Variants in NDUFAF6 observed in about 807,000 individuals in gnomAD.
The protein encoded by NDUFAF6 is NADH:ubiquinone oxidoreductase complex assembly factor 6, also known as NADH dehydrogenase (ubiquinone) complex I, assembly factor 6.
Under a neutral mutation model 40.8 loss-of-function variants are expected in NDUFAF6, and 45 were observed. The ratio of observed to expected loss-of-function variants is 1.10; its 90% confidence interval spans 0.87 to 1.42. The LOEUF (loss-of-function observed/expected upper bound fraction) is 1.42, where lower values mean the gene tolerates loss of function less well. Ranked by LOEUF, NDUFAF6 falls within the 40% of genes most tolerant of loss-of-function variation. The pLI, the probability that NDUFAF6 is intolerant of heterozygous loss-of-function variation, is 0.00. For missense variants in NDUFAF6, 435 were observed against 418.5 expected (o/e 1.04, Z -0.34); for synonymous variants, 185 against 155.9 (o/e 1.19, Z -1.39).
downstream of NDUFAF6, among the ~76,000 whole-genome samples, chr8:95,104,169 C>T (rs571886879): frequency 2.6e-5 from 4 of 152,288 alleles, no homozygotes; most frequent in South Asian, 8.3e-4. Flanking sequence ...AGCCACTGCA[C>T]CTGTATTTTA....
At chr8:94,898,121 A>C (rs137898035) in intron 1 of NDUFAF6, among the ~76,000 whole-genome samples, 1 of 152,324 alleles carries the variant, frequency 6.6e-6, no homozygotes, top group African/African-American at 2.4e-5. Context: ...CACCCACCAC[A>C]CATGCACAGT....
downstream of NDUFAF6, among the ~76,000 whole-genome samples, chr8:95,103,635 A>G (rs1809725263): frequency 6.6e-6 from 1 of 152,178 alleles, no homozygotes; most frequent in Admixed American, 6.5e-5. Flanking sequence ...CCCTCTTGCT[A>G]TGTAGATTGG....
intron 2 of NDUFAF6, 38 bp from the exon 3 acceptor site, chr8:95,035,416 A>C: frequency 1.2e-6 from 2 of 1,610,990 alleles, no homozygotes; most frequent in Non-Finnish European, 1.7e-6. Context: ...TAGACAGTAG[A>C]CAATGCATTT....
intron 1 of NDUFAF6, among the ~76,000 whole-genome samples, chr8:94,916,102 A>G (rs900409125): frequency 2.0e-5 from 3 of 152,252 alleles, no homozygotes; most frequent in East Asian, 1.9e-4. Context: ...GCAGTGAGGC[A>G]TAAAGTGTGA....
intron 2 of NDUFAF6, among the ~76,000 whole-genome samples, chr8:94,996,596 T>C (rs1315305500): frequency 6.6e-6 from 1 of 152,160 alleles, no homozygotes; most frequent in Non-Finnish European, 1.5e-5. Flanking sequence ...TGCTGGTAAA[T>C]ACAATGTCTG....
chr8:94,925,696 C>T (rs1819827736), intron 1 of NDUFAF6, among the ~76,000 whole-genome samples: 2 of 151,992 alleles, frequency 1.3e-5, no homozygotes, highest in African/African-American at 2.4e-5. Flanking sequence ...CACACCACCA[C>T]GCTCAGCTTA....
chr8:94,953,344 C>G (rs1213114554), upstream of NDUFAF6, among the ~76,000 whole-genome samples: 1 of 148,952 alleles, frequency 6.7e-6, no homozygotes, highest in Non-Finnish European at 1.5e-5. Context: ...GAAACTCCAT[C>G]TCAAGAAAAA....
chr8:94,969,549 G>A (rs1252491679), intron 1 of NDUFAF6, among the ~76,000 whole-genome samples: 1 of 152,230 alleles, frequency 6.6e-6, no homozygotes, highest in Non-Finnish European at 1.5e-5. Flanking sequence ...GCTGAGGCAG[G>A]AGGATCAGGT....
intron 9 of NDUFAF6, among the ~76,000 whole-genome samples, chr8:95,063,877 G>GT (rs11385145): frequency 0.024 from 3,479 of 142,862 alleles, 31 homozygotes; most frequent in East Asian, 0.031. Flanking sequence ...TCTTGCTGCA[G>GT]TTTTTTTTTT....
At chr8:94,944,848 C>T (rs757348881) in intron 1 of NDUFAF6, among the ~76,000 whole-genome samples, 4 of 152,116 alleles carry the variant, frequency 2.6e-5, no homozygotes, top group East Asian at 3.9e-4. Context: ...TGAATCACCT[C>T]GTCACTCTCT....
intron 2 of NDUFAF6, among the ~76,000 whole-genome samples, chr8:95,082,764 A>G (rs898218686): frequency 2.0e-5 from 3 of 151,486 alleles, no homozygotes; most frequent in African/African-American, 7.3e-5. Context: ...GGTTCACGCC[A>G]TTCTCCTGCC....
chr8:95,110,870 T>C (rs1485185493), intron 4 of NDUFAF6, among the ~76,000 whole-genome samples: 1 of 152,240 alleles, frequency 6.6e-6, no homozygotes, highest in Admixed American at 6.5e-5. Flanking sequence ...AAGATTTCTG[T>C]TGCTATGGAA....
chr8:94,936,527 C>CT (rs1446003258), intron 1 of NDUFAF6, among the ~76,000 whole-genome samples: 1 of 152,122 alleles, frequency 6.6e-6, no homozygotes, highest in Non-Finnish European at 1.5e-5. Context: ...CAAATCGGCT[C>CT]TGTGGGCTGA....
intron 1 of NDUFAF6, among the ~76,000 whole-genome samples, chr8:94,906,932 A>C (rs560635428): frequency 3.9e-5 from 6 of 152,226 alleles, no homozygotes; most frequent in African/African-American, 1.4e-4. Context: ...CACCGTCAAC[A>C]TTATGTATCC....
chr8:94,922,224 A>C (rs1819550950), intron 1 of NDUFAF6, among the ~76,000 whole-genome samples: 1 of 151,858 alleles, frequency 6.6e-6, no homozygotes, highest in Non-Finnish European at 1.5e-5. Flanking sequence ...GTTAGCCAGG[A>C]TGGTCTCGAT....
chr8:94,938,327 G>T (rs1326472275), intron 1 of NDUFAF6, among the ~76,000 whole-genome samples: 2 of 152,204 alleles, frequency 1.3e-5, no homozygotes, highest in South Asian at 2.1e-4. Flanking sequence ...ATATCCTTTT[G>T]TTGTAAGGAA....
rs1832809619 is a variant in NDUFAF6, at chr8:95,070,294, G to T, written c.*512-5339G>T. Among the ~76,000 whole-genome samples the T allele has an allele frequency of 3.3e-5, 5 of 152,156 alleles. No individual in the cohort carries two copies. In the South Asian group the frequency reaches 8.3e-4, roughly 25 times the overall value. On this transcript the variant is annotated intron_variant and NMD_transcript_variant, in intron 9 of 9. Transcript: ENST00000520757. ...CCTACTTCCTAGAATTATCATGAAG[G>T]TTAAGTTAGTTAATAATTGTAAAGT...
chr8:95,081,659 G>A (rs192405535), intron 2 of NDUFAF6, among the ~76,000 whole-genome samples: 66 of 152,304 alleles, frequency 4.3e-4, no homozygotes, highest in Admixed American at 4.0e-3. Context: ...AGGGAAGAGA[G>A]AAATGAAAAT....
chr8:95,111,111 G>T (rs1809989287), intron 4 of NDUFAF6, among the ~76,000 whole-genome samples: 1 of 152,162 alleles, frequency 6.6e-6, no homozygotes, highest in South Asian at 2.1e-4. Context: ...GAGCAGCCAG[G>T]GGGTAGCCAG....
Sources: gnomAD v4.1 joint callset for allele counts (sites outside exome capture counted in the v4.1 genomes callset) on GRCh38, gnomAD v4.1.1 for gene constraint, MANE v1.5 for transcripts, NCBI Gene and HGNC (gene_info 2026-07-23, HGNC 2026-07-21) for gene names.